The following KEAP1 variants were observed in gnomAD, a reference collection of about 807,000 sequenced individuals.
KEAP1 encodes the protein kelch-like ECH-associated protein 1.
KEAP1 carries 26 observed loss-of-function variants against 59.7 expected under a neutral mutation model. The ratio of observed to expected loss-of-function variants is 0.44; its 90% CI spans 0.32 to 0.60. KEAP1 has a LOEUF of 0.60. Ranked by LOEUF, KEAP1 falls within the 20% of genes least tolerant of loss-of-function variation. KEAP1 has a pLI of 0.06. For missense variants in KEAP1, 539 were observed against 871.4 expected (o/e 0.62, Z 4.80); for synonymous variants, 350 against 358.3 (o/e 0.98, Z 0.26).
chr19:10,494,175 C>T (rs1914771917), intron 2 of KEAP1, among the ~76,000 whole-genome samples: 1 of 151,540 alleles, frequency 6.6e-6, no homozygotes, highest in Non-Finnish European at 1.5e-5. Flanking sequence ...AACTCCTGAC[C>T]TCAAGTGGCC....
At chr19:10,501,931 A>G (rs928261463) in intron 1 of KEAP1, among the ~76,000 whole-genome samples, 19 of 152,180 alleles carry the variant, frequency 1.2e-4, no homozygotes, top group African/African-American at 4.6e-4. Flanking sequence ...TCTTTCTGGG[A>G]CTCAACTCAA....
rs1915093447 is a variant in KEAP1, at chr19:10,502,872, G to T, written c.-48+369C>A. The stretch of plus-strand genomic sequence containing the variant: ...GGCCTCAGGCGGTAGGGACCGCTGA[G>T]GGGCCGCTCCCCACCCCCGCCCACG... On this transcript the variant is annotated intron_variant, in intron 1 of 5. Coordinates refer to ENST00000171111, the MANE Select transcript of KEAP1 (RefSeq NM_203500.2). This position sits in a 1 kb window ranked among gnomAD's most constrained non-coding sequence, Gnocchi z 4.0. 2 of 152,110 alleles carry T rather than the reference G, an allele frequency of 1.3e-5. No individual in the cohort carries two copies. Among genetic ancestry groups the T allele is most frequent in the African/African-American group, 4.8e-5 (2 of 41,426 alleles). The allele number at this position is 152,110 out of a possible 1,614,324, so 9.4% of individuals were successfully genotyped here. A position where few individuals can be genotyped will look rare whatever the true frequency, so the allele number is the denominator to read the frequency against.
chr19:10,499,329 T>C lies in KEAP1; in HGVS notation c.639+66A>G, dbSNP rs2144623369. On this transcript the variant is annotated intron_variant, in intron 2 of 5. Transcript: ENST00000171111. This position sits in a 1 kb window ranked among gnomAD's most constrained non-coding sequence, Gnocchi z 6.7. ...GCCTTGACATCTCAAGGGGAGACAGTGATGAGCACTCGTCCATCCCTGGTC... is the reference window on the plus strand; with the variant it reads ...GCCTTGACATCTCAAGGGGAGACAGCGATGAGCACTCGTCCATCCCTGGTC... 1 of 1,357,910 alleles carries C rather than the reference T, an allele frequency of 7.4e-7. No homozygotes were observed. Among genetic ancestry groups the C allele is most frequent in the East Asian group, 2.5e-5 (1 of 40,176 alleles). 84.1% of individuals were successfully genotyped at this position (1,357,910 alleles called of 1,614,324 possible). A position where few individuals can be genotyped will look rare whatever the true frequency, so the allele number is the denominator to read the frequency against.
At chr19:10,486,876 G>T (rs1048499052) in intron 5 of KEAP1, 58 bp from the exon 6 acceptor site, 41 of 1,549,160 alleles carry the variant, frequency 2.6e-5, no homozygotes, top group Middle Eastern at 1.7e-4. Context: ...AAGAGCAGGG[G>T]ACAGAAAGAG....
rs530664167 is a variant in KEAP1 at position 10,502,409 on chromosome 19, C to T, written c.-48+832G>A. The T allele has an allele frequency of 6.6e-6, 1 of 152,364 alleles. No individual in the cohort carries two copies. The highest frequency in any genetic ancestry group is 2.1e-4 in the South Asian group (1 of 4,834). The allele number at this position is 152,364 out of a possible 1,614,324, so 9.4% of individuals were successfully genotyped here. A position where few individuals can be genotyped will look rare whatever the true frequency, so the allele number is the denominator to read the frequency against. ...CCACCGCGGCCTCTCGGCTGCCAACCCCAGAACGCAGATCGAGCCCCTCAA... is the reference window on the plus strand; with the variant it reads ...CCACCGCGGCCTCTCGGCTGCCAACTCCAGAACGCAGATCGAGCCCCTCAA... On this transcript the variant is annotated intron_variant, in intron 1 of 5. Transcript: ENST00000171111. The surrounding 1 kb of genome is among the most constrained non-coding windows in gnomAD (Gnocchi z 4.0).
chr19:10,489,787 G>A lies in KEAP1; in HGVS notation c.1392C>T (p.Gly464=), dbSNP rs763857137. The change falls in exon 4 of 6, where the codon GGC becomes GGT. Residue 464 remains glycine (G), a synonymous_variant. Coordinates refer to ENST00000171111, the MANE Select transcript of KEAP1 (RefSeq NM_203500.2). ...AAAGGAGACGATTGAGGACAGCCACGCCCACCCCGATCCTTCGTGTCAGCA... is the reference window on the plus strand; with the variant it reads ...AAAGGAGACGATTGAGGACAGCCACACCCACCCCGATCCTTCGTGTCAGCA... ...APMLTRRIGV[G]VAVLNRLLYA... 8 of 1,613,884 alleles carry A rather than the reference G, an allele frequency of 5.0e-6. No individual in the cohort carries two copies. Among genetic ancestry groups the A allele is most frequent in the South Asian group, 2.2e-5 (2 of 91,080 alleles).
Position 10,491,921 on chromosome 19 carries a change from C to A in KEAP1, c.981G>T (p.Leu327=), listed in dbSNP as rs2144600838. 1 of 1,612,614 alleles carries A rather than the reference C, an allele frequency of 6.2e-7. No homozygotes were observed. The highest frequency in any genetic ancestry group is 8.5e-7 in the Non-Finnish European group (1 of 1,179,450). ...GGAAGTAGCCGCCCGCGGTGTAGAT[C>A]AGGCGGCCCACCTTGGGCGCCCGGC... ...MPCRAPKVGR[L]IYTAGGYFRQ... is the part of the protein sequence containing the mutation. Residue 327 remains leucine, a synonymous_variant, in exon 3 of 6, where the codon CTG becomes CTT. Coordinates refer to ENST00000171111, the MANE Select transcript of KEAP1 (RefSeq NM_203500.2). This position sits in a 1 kb window ranked among gnomAD's most constrained non-coding sequence, Gnocchi z 5.2.
rs373063629 is a variant in KEAP1, at chr19:10,491,746, C to T, written c.1156G>A (p.Gly386Ser). ...TCCAGGGCGCTGGAGTCGGTGTTGC[C>T]GTCGGGCGAGTTGTTCCTGCCGCCC... is the stretch of plus-strand genomic sequence containing the variant. The part of the protein sequence containing the change: ...AVGGRNNSPD[G>S]NTDSSALDCY... Residue 386 changes from glycine (G) to serine (S), a missense_variant, in exon 3 of 6, where the codon GGC (glycine) becomes AGC (serine). By Grantham distance (56) the Gly-to-Ser change is moderately conservative (BLOSUM62 0). Transcript: ENST00000171111. This position sits in a 1 kb window ranked among gnomAD's most constrained non-coding sequence, Gnocchi z 5.2. The T allele has an allele frequency of 1.4e-5, 22 of 1,565,796 alleles. No homozygotes were observed. Among genetic ancestry groups the T allele is most frequent in the South Asian group, 4.6e-5 (4 of 86,052 alleles).
At chr19:10,488,290 A>T (rs140655858) in intron 5 of KEAP1, among the ~76,000 whole-genome samples, 74 of 152,094 alleles carry the variant, frequency 4.9e-4, no homozygotes, top group African/African-American at 1.7e-3. Flanking sequence ...TCTGTCTCAA[A>T]AAAATAAAAT....
chr19:10,486,624 G>A lies in KEAP1; in HGVS notation c.*28C>T, dbSNP rs2144576935. On this transcript the variant is annotated 3_prime_UTR_variant, in exon 6 of 6. Transcript: ENST00000171111. ...AAACAATGATACTCCCCATTGGACT[G>A]TATTTTTGCCCAAGAAACAAAAGTG... is the stretch of plus-strand genomic sequence containing the variant. 1.2e-6 allele frequency: 2 copies of A among 1,607,400 alleles called. No individual in the cohort carries two copies. The highest frequency in any genetic ancestry group is 1.1e-5 in the South Asian group (1 of 90,580).
rs1425671494 is a variant in KEAP1 at position 10,499,745 on chromosome 19, T to A, written c.289A>T (p.Lys97Ter). The A allele has an allele frequency of 6.2e-7, 1 of 1,614,100 alleles. No homozygotes were observed. The highest frequency in any genetic ancestry group is 8.5e-7 in the Non-Finnish European group (1 of 1,180,006). ...DAPAAQFMAHKVVLASSSPVF... is the reference protein window; with the variant it reads ...DAPAAQFMAH ...GGGCTGGATGAGGCCAGCACCACCT[T>A]GTGGGCCATGAACTGGGCGGCCGGT... is the stretch of plus-strand genomic sequence containing the variant. The change falls in exon 2 of 6, where the codon AAG becomes TAG. Residue 97 changes from lysine (K) to a stop codon, truncating the protein, a stop_gained. Coordinates refer to ENST00000171111, the MANE Select transcript of KEAP1 (RefSeq NM_203500.2). LOFTEE classifies it high-confidence loss of function. This position sits in a 1 kb window ranked among gnomAD's most constrained non-coding sequence, Gnocchi z 6.7.
At chr19:10,501,704 A>C (rs1223382221) in intron 1 of KEAP1, among the ~76,000 whole-genome samples, 2 of 151,892 alleles carry the variant, frequency 1.3e-5, no homozygotes, top group Non-Finnish European at 2.9e-5. Flanking sequence ...AGCCACCACG[A>C]TGGGCTAATT....
rs550406085 is a variant in KEAP1, at chr19:10,486,457, G to C, written c.*195C>G. On this transcript the variant is annotated 3_prime_UTR_variant, in exon 6 of 6. Coordinates refer to ENST00000171111, the MANE Select transcript of KEAP1 (RefSeq NM_203500.2). ...CAGCCAGGCTGTCTTGGACACTCCC[G>C]GGGCTCCGCTGAGGGGCACATGATT... The C allele has an allele frequency of 6.3e-6, 4 of 631,984 alleles. No individual in the cohort carries two copies. The East Asian group carries it at 1.1e-4, about 17-fold the overall frequency. The allele number at this position is 631,984 out of a possible 1,614,324, so 39.1% of individuals were successfully genotyped here.
chr19:10,493,608 C>T (rs1226176243), intron 2 of KEAP1, among the ~76,000 whole-genome samples: 1 of 140,006 alleles, frequency 7.1e-6, no homozygotes, highest in Non-Finnish European at 1.5e-5. Context: ...TTTGCCCAGG[C>T]CGGACTGCAG....
Position 10,491,761 on chromosome 19 carries a change from TC to T in KEAP1, c.1140del (p.Asn381ThrfsTer19). 1 of 1,570,966 alleles carries T rather than the reference TC, an allele frequency of 6.4e-7. No homozygotes were observed. On this transcript the variant is annotated frameshift_variant, in exon 3 of 6. Coordinates refer to ENST00000171111, the MANE Select transcript of KEAP1 (RefSeq NM_203500.2). LOFTEE classifies it high-confidence loss of function. The surrounding 1 kb of genome is among the most constrained non-coding windows in gnomAD (Gnocchi z 5.2). ...VGGLLYAVGG[R>X]NNSPDGNTDS... Reference sequence around the variant, plus strand: ...TCGGTGTTGCCGTCGGGCGAGTTGTTCCTGCCGCCCACGGCGTACAACAGCC... The same window carrying T: ...TCGGTGTTGCCGTCGGGCGAGTTGTTCTGCCGCCCACGGCGTACAACAGCC...
Position 10,486,660 on chromosome 19 carries a change from T to A in KEAP1, c.1867A>T (p.Thr623Ser). 6.2e-7 allele frequency: 1 copy of A among 1,613,974 alleles called. No individual in the cohort carries two copies. The highest frequency in any genetic ancestry group is 1.7e-5 in the Admixed American group (1 of 59,956). ...CAAGAAACAAAAGTGCCTCAACAGGTACAGTTCTGCTGGTCAATCTGCTTC... is the reference window on the plus strand; with the variant it reads ...CAAGAAACAAAAGTGCCTCAACAGGAACAGTTCTGCTGGTCAATCTGCTTC... ...CRKQIDQQNC[T>S]C is the part of the protein sequence containing the mutation. Residue 623 changes from threonine to serine, a missense_variant, in exon 6 of 6, where the codon ACC becomes TCC. Thr to Ser is a moderately conservative substitution (Grantham distance 58). This residue lies in a region of KEAP1 where 311 missense variants were observed against 425.2 expected (regional missense o/e 0.73). Coordinates refer to ENST00000171111, the MANE Select transcript of KEAP1 (RefSeq NM_203500.2).
rs772719538 is a variant in KEAP1, at chr19:10,486,609, A to G, written c.*43T>C. ...CCGGTTTTTGTACAAAAACAATGAT[A>G]CTCCCCATTGGACTGTATTTTTGCC... On this transcript the variant is annotated 3_prime_UTR_variant, in exon 6 of 6. Transcript: ENST00000171111. The G allele has an allele frequency of 4.4e-5, 68 of 1,561,022 alleles. No individual in the cohort carries two copies. The highest frequency in any genetic ancestry group is 1.8e-4 in the Admixed American group (10 of 55,164).
At position 10,499,387 on chromosome 19, in the gene KEAP1, C is replaced by A. The variant is rs1466903180; in HGVS notation, c.639+8G>T. 1 of 1,573,418 alleles carries A rather than the reference C, an allele frequency of 6.4e-7. No homozygotes were observed. The highest frequency in any genetic ancestry group is 1.1e-5 in the South Asian group (1 of 87,066). ...TGACACTGCCCCCAGCCCCACTTCC[C>A]CGCTCACCTCCCCAAAATGCATGTA... is the stretch of plus-strand genomic sequence containing the variant. On this transcript the variant is annotated splice_region_variant and intron_variant, in intron 2 of 5. Transcript: ENST00000171111. The surrounding 1 kb of genome is among the most constrained non-coding windows in gnomAD (Gnocchi z 6.7).
At chr19:10,492,377 CTAAA>C in intron 2 of KEAP1, 115 bp from the exon 3 acceptor site, 1 of 732,306 alleles carries the variant, frequency 1.4e-6, no homozygotes, top group Non-Finnish European at 2.3e-6. Context: ...TCCTTATCTG[CTAAA>C]TGGGGATTCA....
Sources: allele counts gnomAD v4.1 joint callset (sites outside exome capture counted in the v4.1 genomes callset), GRCh38; gene constraint gnomAD v4.1.1; regional missense constraint gnomAD v4.1.1; non-coding constraint Gnocchi (gnomAD v3.1); transcripts MANE v1.5; gene names NCBI Gene and HGNC (gene_info 2026-07-23, HGNC 2026-07-21).